JAKMIP3: variants seen among roughly 807,000 people sequenced by gnomAD.
The protein encoded by JAKMIP3 is janus kinase and microtubule-interacting protein 3.
Under a neutral mutation model 118.5 loss-of-function variants are expected in JAKMIP3, and 58 were observed. The ratio of observed to expected loss-of-function variants is 0.49; its 90% CI spans 0.40 to 0.61. The LOEUF is 0.61. Among genes scored for constraint, JAKMIP3 ranks in the 20% least tolerant of loss-of-function variants. The pLI is 0.00. For synonymous variants in JAKMIP3, 486 were observed against 451.2 expected (o/e 1.08, Z -0.98); for missense variants, 950 against 1,109.0 (o/e 0.86, Z 2.04).
rs1391157300 is a variant in JAKMIP3 at position 132,112,252 on chromosome 10, G to C, written c.136-4825G>C. Among the ~76,000 whole-genome samples the C allele has an allele frequency of 6.6e-6, 1 of 152,168 alleles. No homozygotes were observed. The highest frequency in any genetic ancestry group is 1.5e-5 in the Non-Finnish European group (1 of 68,020). ...TGGGTGGTGAGCACAGGTGCCTGCT[G>C]TCCCGCGGGGCACACGGGCCTCAGG... On this transcript the variant is annotated intron_variant, in intron 2 of 23. Coordinates refer to ENST00000684848, the MANE Select transcript of JAKMIP3 (RefSeq NM_001323087.2). The surrounding 1 kb of genome is among the most constrained non-coding windows in gnomAD (Gnocchi z 4.3).
At chr10:132,092,716 T>G (rs2043253264) in intron 1 of JAKMIP3, among the ~76,000 whole-genome samples, 1 of 152,250 alleles carries the variant, frequency 6.6e-6, no homozygotes, top group Non-Finnish European at 1.5e-5. Flanking sequence ...GGTTTGAACT[T>G]CCTCATTTAG....
chr10:132,091,130 T>C (rs1391421318), intron 1 of JAKMIP3, among the ~76,000 whole-genome samples: 1 of 152,240 alleles, frequency 6.6e-6, no homozygotes, highest in Non-Finnish European at 1.5e-5. Flanking sequence ...TTGATTGCAC[T>C]GTGGTCTGAG....
chr10:132,180,674 TGC>T (rs869250608), intron 23 of JAKMIP3, among the ~76,000 whole-genome samples: 388 of 19,290 alleles, frequency 0.02, 104 homozygotes, highest in African/African-American at 0.044. Context: ...TGCGTGTGTG[TGC>T]GCGCGCGTGT....
chr10:132,108,092 G>A (rs1488761464), intron 2 of JAKMIP3, among the ~76,000 whole-genome samples: 3 of 152,306 alleles, frequency 2.0e-5, no homozygotes, highest in Non-Finnish European at 4.4e-5. Flanking sequence ...ATGGCTCGGC[G>A]TTGCTCCTTC....
At chr10:132,165,030 C>T (rs2058751493) in intron 21 of JAKMIP3, among the ~76,000 whole-genome samples, 1 of 151,848 alleles carries the variant, frequency 6.6e-6, no homozygotes, top group South Asian at 2.1e-4. Context: ...CTTGTGGCCT[C>T]AGTTTCCCCA....
At chr10:132,110,037 C>A (rs898023838) in intron 2 of JAKMIP3, among the ~76,000 whole-genome samples, 1 of 152,206 alleles carries the variant, frequency 6.6e-6, no homozygotes, top group African/African-American at 2.4e-5. Flanking sequence ...ACTGGAGCCT[C>A]CTATCTAATT....
At chr10:132,078,980 T>C (rs986987497) in intron 1 of JAKMIP3, among the ~76,000 whole-genome samples, 1 of 152,176 alleles carries the variant, frequency 6.6e-6, no homozygotes, top group African/African-American at 2.4e-5. Context: ...GGCTGGTGGG[T>C]GGCCCTGAAG....
At chr10:132,065,162 G>A (rs1177264585), upstream of JAKMIP3, among the ~76,000 whole-genome samples, 3 of 152,112 alleles carry the variant, frequency 2.0e-5, no homozygotes, top group Non-Finnish European at 4.4e-5. This position sits in a 1 kb window ranked among gnomAD's most constrained non-coding sequence, Gnocchi z 5.6. Context: ...TGATGGAATC[G>A]GACCCAGATG....
At chr10:132,086,553 A>G (rs2042422031) in intron 1 of JAKMIP3, among the ~76,000 whole-genome samples, 2 of 152,276 alleles carry the variant, frequency 1.3e-5, no homozygotes, top group Admixed American at 1.3e-4. Flanking sequence ...TGTTAGGTGC[A>G]TATATAATTA....
intron 1 of JAKMIP3, among the ~76,000 whole-genome samples, chr10:132,070,594 G>A (rs554312818): frequency 3.3e-5 from 5 of 152,288 alleles, no homozygotes; most frequent in Admixed American, 6.5e-5. Flanking sequence ...ATGTAGATGC[G>A]TTTGTCTACT....
At chr10:132,084,517 T>C (rs536898398) in intron 1 of JAKMIP3, among the ~76,000 whole-genome samples, 2 of 152,326 alleles carry the variant, frequency 1.3e-5, no homozygotes, top group South Asian at 2.1e-4. Flanking sequence ...TATGGATTTG[T>C]ATGCCCTTTA....
chr10:132,044,513 G>A lies in JAKMIP3; in HGVS notation c.-138+7775G>A, dbSNP rs1041036876. ...GGCTGGTGCAGAGGAGGGTGCGGCCGGTGCAGAGGAGGATGCAGGAGGAGT... is the reference window on the plus strand; with the variant it reads ...GGCTGGTGCAGAGGAGGGTGCGGCCAGTGCAGAGGAGGATGCAGGAGGAGT... On this transcript the variant is annotated intron_variant, in intron 1 of 23. Transcript: ENST00000657785. The surrounding 1 kb of genome is among the most constrained non-coding windows in gnomAD (Gnocchi z 5.3). Among the ~76,000 whole-genome samples, 2 of 152,080 alleles carry A rather than the reference G, an allele frequency of 1.3e-5. No homozygotes were observed. The highest frequency in any genetic ancestry group is 2.4e-5 in the African/African-American group (1 of 41,408).
Position 132,139,240 on chromosome 10 carries a change from C to CTGTGTATG in JAKMIP3, c.1344+1067_1344+1068insATGTGTGT, listed in dbSNP as rs2052688990. Among the ~76,000 whole-genome samples the CTGTGTATG allele has an allele frequency of 9.4e-5, 8 of 84,816 alleles. 3 individuals carry two copies. Among genetic ancestry groups the CTGTGTATG allele is most frequent in the African/African-American group, 3.0e-4 (7 of 23,212 alleles). 55.6% of individuals were successfully genotyped at this position (84,816 alleles called of 152,430 possible). A position where few individuals can be genotyped will look rare whatever the true frequency, so the allele number is the denominator to read the frequency against. On this transcript the variant is annotated intron_variant, in intron 9 of 23. Transcript: ENST00000684848. ...TGTGTACATGTGAGTGTATATGCAT[C>CTGTGTATG]TGTGTGTGTATGTGTGTGTGTGTAT...
intron 1 of JAKMIP3, among the ~76,000 whole-genome samples, chr10:132,040,594 G>T (rs1173206573): frequency 1.3e-5 from 2 of 148,258 alleles, no homozygotes; most frequent in South Asian, 2.1e-4. Flanking sequence ...AAAGTATTTT[G>T]GGTTGATTTT....
At chr10:132,065,943 G>A (rs2038694170), upstream of JAKMIP3, among the ~76,000 whole-genome samples, 3 of 152,340 alleles carry the variant, frequency 2.0e-5, no homozygotes, top group South Asian at 6.2e-4. The surrounding 1 kb of genome is among the most constrained non-coding windows in gnomAD (Gnocchi z 5.6). Context: ...TCTTTGCTGA[G>A]TCATAGAAGC....
intron 1 of JAKMIP3, among the ~76,000 whole-genome samples, chr10:132,036,930 C>G (rs2037523818): frequency 6.6e-6 from 1 of 152,046 alleles, no homozygotes; most frequent in Admixed American, 6.5e-5. Context: ...GGCGGTCCCC[C>G]CGTGGGCGGG....
chr10:132,055,874 C>G (rs768019753), intron 1 of JAKMIP3, among the ~76,000 whole-genome samples: 10 of 152,156 alleles, frequency 6.6e-5, no homozygotes, highest in Admixed American at 1.3e-4. Flanking sequence ...GCTTCTGCCC[C>G]CTTCCTGCCT....
intron 3 of JAKMIP3, among the ~76,000 whole-genome samples, chr10:132,120,991 C>T (rs12250010): frequency 0.011 from 1,634 of 152,270 alleles, 24 homozygotes; most frequent in African/African-American, 0.037. Context: ...GAGGCAGCTT[C>T]ATGAGGATGG....
intron 1 of JAKMIP3, among the ~76,000 whole-genome samples, chr10:132,088,320 A>G (rs1564883378): frequency 6.6e-6 from 1 of 152,206 alleles, no homozygotes; most frequent in South Asian, 2.1e-4. Context: ...TTACAGTCCC[A>G]CCAACAGTGT....
Sources: allele counts gnomAD v4.1 joint callset (sites outside exome capture counted in the v4.1 genomes callset), GRCh38; gene constraint gnomAD v4.1.1; non-coding constraint Gnocchi (gnomAD v3.1); transcripts MANE v1.5; gene names NCBI Gene and HGNC (gene_info 2026-07-23, HGNC 2026-07-21).